ACAP2: variants seen among roughly 807,000 people sequenced by gnomAD.
ACAP2 encodes the protein arf-GAP with coiled-coil, ANK repeat and PH domain-containing protein 2.
In ACAP2, 39 loss-of-function variants were observed where a neutral mutation model predicts 115.8. The ratio of observed to expected loss-of-function variants is 0.34; its 90% CI spans 0.26 to 0.44. ACAP2 has a LOEUF of 0.44. Ranked by LOEUF, ACAP2 falls within the 20% of genes least tolerant of loss-of-function variation. The pLI is 1.00. For missense variants in ACAP2, 662 were observed against 927.6 expected (o/e 0.71, Z 3.72); for synonymous variants, 289 against 315.8 (o/e 0.92, Z 0.90).
At chr3:195,423,398 G>A (rs985300263) in intron 1 of ACAP2, among the ~76,000 whole-genome samples, 6 of 152,058 alleles carry the variant, frequency 3.9e-5, no homozygotes, top group Non-Finnish European at 7.4e-5. Flanking sequence ...CGAGGCAGGC[G>A]GATCATCTAA....
At chr3:195,344,825 A>G (rs972567986) in intron 5 of ACAP2, among the ~76,000 whole-genome samples, 14 of 152,182 alleles carry the variant, frequency 9.2e-5, no homozygotes, top group Non-Finnish European at 1.5e-5. Context: ...CGGCCCAAAA[A>G]TCATGTACTT....
chr3:195,347,140 T>C lies in ACAP2; in HGVS notation c.286-1823A>G, dbSNP rs117988537. 2.1e-4 allele frequency among the ~76,000 whole-genome samples: 32 copies of C among 152,266 alleles called. No individual in the cohort carries two copies. In the East Asian group the frequency reaches 6.0e-3, roughly 28 times the overall value. On this transcript the variant is annotated intron_variant, in intron 4 of 22. Coordinates refer to ENST00000326793, the MANE Select transcript of ACAP2 (RefSeq NM_012287.6). Reference sequence around the variant, plus strand: ...TTTAAATTTAAAAATAACTTTAAAATATGAAGAATGACAGTGTAAATATTA... The same window carrying C: ...TTTAAATTTAAAAATAACTTTAAAACATGAAGAATGACAGTGTAAATATTA...
chr3:195,311,410 A>G (rs1215920990), intron 10 of ACAP2, among the ~76,000 whole-genome samples: 2 of 151,782 alleles, frequency 1.3e-5, no homozygotes, highest in Non-Finnish European at 2.9e-5. Context: ...GTTGTTACTA[A>G]CATTTCTAAG....
At chr3:195,376,244 G>A (rs1004986552) in intron 4 of ACAP2, among the ~76,000 whole-genome samples, 3 of 151,972 alleles carry the variant, frequency 2.0e-5, no homozygotes, top group Middle Eastern at 3.4e-3. Flanking sequence ...AAATATAAAC[G>A]CTAGCCGGGT....
intron 1 of ACAP2, among the ~76,000 whole-genome samples, chr3:195,411,891 A>C (rs550413515): frequency 6.6e-6 from 1 of 151,300 alleles, no homozygotes; most frequent in African/African-American, 2.4e-5. Flanking sequence ...TTTAGTAATA[A>C]GGAAAAAAAA....
chr3:195,345,414 T>C, intron 4 of ACAP2, 97 bp from the exon 5 acceptor site: 1 of 726,994 alleles, frequency 1.4e-6, no homozygotes, highest in Admixed American at 2.3e-5. Context: ...AATTCTTCAA[T>C]TCTAATACCG....
chr3:195,347,482 G>C (rs1731259569), intron 4 of ACAP2, among the ~76,000 whole-genome samples: 1 of 152,100 alleles, frequency 6.6e-6, no homozygotes, highest in Admixed American at 6.5e-5. Flanking sequence ...CCATTTATAT[G>C]AAGTTATAGA....
At chr3:195,288,555 A>G (rs1475289147) in intron 21 of ACAP2, among the ~76,000 whole-genome samples, 1 of 152,124 alleles carries the variant, frequency 6.6e-6, no homozygotes, top group East Asian at 1.9e-4. Context: ...ACCATACAAC[A>G]ATTTTAAAAT....
chr3:195,283,488 G>A (rs1726641761), intron 22 of ACAP2, among the ~76,000 whole-genome samples: 2 of 152,150 alleles, frequency 1.3e-5, no homozygotes, highest in African/African-American at 4.8e-5. Context: ...TTTACCCAGA[G>A]TTCTGAGGTT....
At chr3:195,389,814 G>A (rs1055858183) in intron 2 of ACAP2, among the ~76,000 whole-genome samples, 11 of 152,200 alleles carry the variant, frequency 7.2e-5, no homozygotes, top group South Asian at 2.1e-4. Flanking sequence ...GCCAGCTAGC[G>A]TTCCTCAGAA....
intron 4 of ACAP2, among the ~76,000 whole-genome samples, chr3:195,365,920 C>A (rs1732687875): frequency 6.6e-6 from 1 of 151,292 alleles, no homozygotes; most frequent in Non-Finnish European, 1.5e-5. Context: ...TAGCTCACCG[C>A]AACCTGCACT....
At chr3:195,373,572 C>T (rs1733320816) in intron 4 of ACAP2, among the ~76,000 whole-genome samples, 1 of 152,156 alleles carries the variant, frequency 6.6e-6, no homozygotes, top group Non-Finnish European at 1.5e-5. Context: ...TAAAAAATGG[C>T]TTTACTAACT....
chr3:195,348,341 T>C (rs1227967034), intron 4 of ACAP2, among the ~76,000 whole-genome samples: 2 of 151,092 alleles, frequency 1.3e-5, no homozygotes. Flanking sequence ...CATTAAAAAT[T>C]AAAAATAAAT....
chr3:195,430,921 A>G (rs567074182), intron 1 of ACAP2, among the ~76,000 whole-genome samples: 20 of 152,286 alleles, frequency 1.3e-4, no homozygotes, highest in Admixed American at 1.2e-3. Context: ...ACATAAATTC[A>G]CCATTTAAAA....
intron 18 of ACAP2, among the ~76,000 whole-genome samples, chr3:195,294,502 T>G (rs1489277201): frequency 6.9e-6 from 1 of 145,418 alleles, no homozygotes; most frequent in Non-Finnish European, 1.5e-5. Context: ...CACTTGAAAC[T>G]GGAAGGCGGA....
chr3:195,291,922 T>C, intron 19 of ACAP2, 107 bp from the exon 20 acceptor site: 2 of 922,402 alleles, frequency 2.2e-6, no homozygotes, highest in Non-Finnish European at 3.1e-6. Flanking sequence ...AGCATTTCCA[T>C]TTCCTTCTCT....
At chr3:195,280,803 C>T (rs1726451499) in intron 22 of ACAP2, 1 of 152,204 alleles carries the variant, frequency 6.6e-6, no homozygotes, top group South Asian at 2.1e-4. Flanking sequence ...TCCTGCTAAA[C>T]ATTAGCCTTA....
At chr3:195,359,095 A>G (rs546104228) in intron 4 of ACAP2, among the ~76,000 whole-genome samples, 1 of 152,296 alleles carries the variant, frequency 6.6e-6, no homozygotes, top group Non-Finnish European at 1.5e-5. Flanking sequence ...ATATCCTTCA[A>G]ACATGAAGGA....
chr3:195,405,235 A>T (rs987456145), intron 1 of ACAP2, among the ~76,000 whole-genome samples: 3 of 152,182 alleles, frequency 2.0e-5, no homozygotes, highest in Admixed American at 6.6e-5. Context: ...ATTGATTGCA[A>T]TCCAACTCTA....
Sources: allele counts gnomAD v4.1 joint callset (sites outside exome capture counted in the v4.1 genomes callset), GRCh38; gene constraint gnomAD v4.1.1; transcripts MANE v1.5; gene names NCBI Gene and HGNC (gene_info 2026-07-23, HGNC 2026-07-21).